The following EPHB1 variants were observed in gnomAD, a reference collection of about 807,000 sequenced individuals.
EPHB1 encodes EPH receptor B1.
EPHB1 carries 30 observed loss-of-function variants against 94.4 expected under a neutral mutation model. The observed-to-expected ratio is 0.32, with a 90% CI of 0.24 to 0.43. The LOEUF (loss-of-function observed/expected upper bound fraction) is 0.43, where lower values mean the gene tolerates loss of function less well. EPHB1 is among the 20% of genes least tolerant of loss of function. The probability of loss-of-function intolerance (pLI) is 1.00; values close to 1 mark genes in which losing one functional copy is unlikely to be tolerated. For synonymous variants in EPHB1, 522 were observed against 489.1 expected, an observed-to-expected ratio of 1.07 and a Z score of -0.89; for missense variants, 1,055 against 1,308.3, an observed-to-expected ratio of 0.81 and a Z score of 2.99.
At chr3:135,021,849 A>G (rs1275103143) in intron 3 of EPHB1, among the ~76,000 whole-genome samples, 1 of 152,232 alleles carries the variant, frequency 6.6e-6, no homozygotes, top group African/African-American at 2.4e-5. Flanking sequence ...AGAAGAATAT[A>G]TATGTTTGGA....
intron 3 of EPHB1, among the ~76,000 whole-genome samples, chr3:135,048,383 C>G (rs1027036814): frequency 6.6e-6 from 1 of 150,898 alleles, no homozygotes; most frequent in Non-Finnish European, 1.5e-5. Context: ...GATTCTCCCA[C>G]CTCAGCCTCC....
chr3:134,863,928 C>T lies in EPHB1; in HGVS notation c.59-61888C>T, dbSNP rs142507980. Among the ~76,000 whole-genome samples the T allele has an allele frequency of 4.0e-4, 61 of 152,302 alleles. No homozygotes were observed. The Middle Eastern group carries it at 0.034, about 85-fold the overall frequency. ...AACTTGGCTACATCCTCTTCACAGC[C>T]GCACAGTAATTTTCATCAGGGAGGC... On this transcript the variant is annotated intron_variant, in intron 1 of 15. Coordinates refer to ENST00000398015, the MANE Select transcript of EPHB1 (RefSeq NM_004441.5).
At chr3:134,982,354 C>T (rs1934434218) in intron 3 of EPHB1, among the ~76,000 whole-genome samples, 1 of 151,974 alleles carries the variant, frequency 6.6e-6, no homozygotes, top group African/African-American at 2.4e-5. Flanking sequence ...TAGAGAAAAG[C>T]AAAGAAGGAA....
At chr3:135,191,074 C>CA (rs1383330467) in intron 10 of EPHB1, among the ~76,000 whole-genome samples, 2 of 132,002 alleles carry the variant, frequency 1.5e-5, no homozygotes, top group African/African-American at 2.9e-5. Context: ...GACCCTGTCT[C>CA]AAAAAACAAA....
At chr3:134,963,393 G>A (rs558468416) in intron 3 of EPHB1, among the ~76,000 whole-genome samples, 1 of 152,246 alleles carries the variant, frequency 6.6e-6, no homozygotes, top group African/African-American at 2.4e-5. Flanking sequence ...AGCAGCTTAT[G>A]CACTCTTCAG....
Position 134,795,439 on chromosome 3 carries a change from G to A in EPHB1, c.-193G>A, listed in dbSNP as rs949253297. ...CACACACATGCACACCCACACCCAC[G>A]CGCGCCCGCACCGCCCCACGCGCAC... On this transcript the variant is annotated 5_prime_UTR_variant, in exon 1 of 16. Coordinates refer to ENST00000398015, the MANE Select transcript of EPHB1 (RefSeq NM_004441.5). The A allele has an allele frequency of 2.6e-5, 15 of 571,376 alleles. No homozygotes were observed. In the African/African-American group the frequency reaches 2.8e-4, roughly 11 times the overall value. The allele number at this position is 571,376 out of a possible 1,614,324, so 35.4% of individuals were successfully genotyped here.
intron 5 of EPHB1, among the ~76,000 whole-genome samples, chr3:135,134,654 A>G (rs1382265405): frequency 2.0e-5 from 3 of 152,252 alleles, no homozygotes; most frequent in South Asian, 4.1e-4. Context: ...TGTCTTACCC[A>G]AAGAAAGGAG....
intron 1 of EPHB1, among the ~76,000 whole-genome samples, chr3:134,871,827 A>G (rs898089619): frequency 1.3e-5 from 2 of 152,164 alleles, no homozygotes; most frequent in Admixed American, 1.3e-4. Flanking sequence ...CAGTCTTTAT[A>G]ACACTGTAAG....
chr3:134,880,200 A>G lies in EPHB1; in HGVS notation c.59-45616A>G, dbSNP rs1310585345. Among the ~76,000 whole-genome samples, 69 of 152,232 alleles carry G rather than the reference A, an allele frequency of 4.5e-4. 1 individual carries two copies. Among genetic ancestry groups the G allele is most frequent in the Admixed American group, 4.5e-3 (69 of 15,280 alleles). Reference sequence around the variant, plus strand: ...GCAAAAGGGAGACAACAATGGTGCTATTCTCCAGCTGTTGAACAGCTGACT... The same window carrying G: ...GCAAAAGGGAGACAACAATGGTGCTGTTCTCCAGCTGTTGAACAGCTGACT... On this transcript the variant is annotated intron_variant, in intron 1 of 15. Coordinates refer to ENST00000398015, the MANE Select transcript of EPHB1 (RefSeq NM_004441.5).
At chr3:134,963,599 T>G (rs1394370451) in intron 3 of EPHB1, among the ~76,000 whole-genome samples, 1 of 152,238 alleles carries the variant, frequency 6.6e-6, no homozygotes, top group African/African-American at 2.4e-5. Flanking sequence ...CACAGAGCTT[T>G]ATGAGGTACA....
rs184690831 is a variant in EPHB1 at position 135,099,669 on chromosome 3, A to G, written c.806-6779A>G. Among the ~76,000 whole-genome samples, 251 of 152,342 alleles carry G rather than the reference A, an allele frequency of 1.6e-3. 2 individuals are homozygous for G. Among genetic ancestry groups the G allele is most frequent in the Admixed American group, 0.015 (223 of 15,304 alleles). On this transcript the variant is annotated intron_variant, in intron 3 of 15. Transcript: ENST00000398015. ...GTGAAAGTAATGGAGACATTTGGCC[A>G]CAGAAGTGACTTTAAATAGTGGCCC...
chr3:135,115,479 C>T (rs534671263), intron 4 of EPHB1, among the ~76,000 whole-genome samples: 9 of 152,282 alleles, frequency 5.9e-5, no homozygotes, highest in East Asian at 3.9e-4. Context: ...CCTTGCTTTG[C>T]GCACCCTGAG....
chr3:135,071,115 C>G (rs760097246), intron 3 of EPHB1, among the ~76,000 whole-genome samples: 5 of 152,196 alleles, frequency 3.3e-5, no homozygotes, highest in Non-Finnish European at 7.3e-5. Flanking sequence ...GCCAGTCTTC[C>G]TTTGCTGATC....
intron 3 of EPHB1, among the ~76,000 whole-genome samples, chr3:135,064,466 G>A (rs918616454): frequency 5.9e-5 from 9 of 151,878 alleles, no homozygotes; most frequent in African/African-American, 2.2e-4. Flanking sequence ...TTTCTTCTAG[G>A]TTTTCGAATT....
intron 1 of EPHB1, among the ~76,000 whole-genome samples, chr3:134,918,910 CT>C (rs2038622540): frequency 6.6e-6 from 1 of 152,160 alleles, no homozygotes; most frequent in Admixed American, 6.5e-5. Context: ...ATAAGCCTTT[CT>C]TTAGTGTGGC....
At chr3:135,119,327 C>T (rs1246072029) in intron 4 of EPHB1, among the ~76,000 whole-genome samples, 5 of 152,184 alleles carry the variant, frequency 3.3e-5, no homozygotes, top group Non-Finnish European at 7.3e-5. Flanking sequence ...GAACTCAAAT[C>T]TGACCATCTT....
chr3:135,034,324 G>T (rs937492401), intron 3 of EPHB1, among the ~76,000 whole-genome samples: 2 of 152,112 alleles, frequency 1.3e-5, no homozygotes, highest in African/African-American at 4.8e-5. Flanking sequence ...GTCCACTGGA[G>T]ATAAAATATG....
intron 12 of EPHB1, among the ~76,000 whole-genome samples, chr3:135,213,423 T>A (rs192588554): frequency 2.4e-4 from 37 of 152,378 alleles, no homozygotes; most frequent in Non-Finnish European, 5.3e-4. Flanking sequence ...AATGTCGTTA[T>A]GTGTGTTCAA....
intron 15 of EPHB1, among the ~76,000 whole-genome samples, chr3:135,252,380 C>A (rs28375605): frequency 0.31 from 35,699 of 114,230 alleles, 5,670 homozygotes; most frequent in Middle Eastern, 0.43. Context: ...CCCACCCCAC[C>A]ACAGTCCCCA....
Sources: gnomAD v4.1 joint callset for allele counts (sites outside exome capture counted in the v4.1 genomes callset) on GRCh38, gnomAD v4.1.1 for gene constraint, MANE v1.5 for transcripts, NCBI Gene and HGNC (gene_info 2026-07-23, HGNC 2026-07-21) for gene names.